LDB2: variants seen among roughly 807,000 people sequenced by gnomAD.
LDB2 encodes LIM domain-binding protein 2.
LDB2 carries 12 observed loss-of-function variants against 44.3 expected under a neutral mutation model. The observed-to-expected ratio is 0.27, with a 90% CI of 0.17 to 0.44. The LOEUF is 0.44. Among genes scored for constraint, LDB2 ranks in the 20% least tolerant of loss-of-function variants. The pLI is 1.00. For missense variants in LDB2, 344 were observed against 473.5 expected (o/e 0.73, Z 2.54); for synonymous variants, 164 against 174.8 (o/e 0.94, Z 0.49).
chr4:16,699,581 G>A (rs157609), intron 2 of LDB2, among the ~76,000 whole-genome samples: 37,282 of 152,032 alleles, frequency 0.25, 5,275 homozygotes, highest in Non-Finnish European at 0.33. Context: ...GAATATGTGA[G>A]GTGGAGAAGT....
chr4:16,810,189 GA>G (rs1235121315), intron 1 of LDB2, among the ~76,000 whole-genome samples: 1 of 152,052 alleles, frequency 6.6e-6, no homozygotes, highest in Admixed American at 6.6e-5. Context: ...GGGGAGGGAG[GA>G]AGAGTCCAGT....
chr4:16,639,581 C>G lies in LDB2; in HGVS notation c.236-43706G>C, dbSNP rs572444590. On this transcript the variant is annotated intron_variant, in intron 2 of 7. Transcript: ENST00000304523. ...GGTTCAAGCAACTCTATTGCCTCAG[C>G]CTGCCAAGTAGCTGGGATTAAAGGC... 2.7e-4 allele frequency among the ~76,000 whole-genome samples: 41 copies of G among 152,318 alleles called. 1 individual carries two copies. The highest frequency in any genetic ancestry group is 4.4e-4 in the Non-Finnish European group (30 of 68,032).
At chr4:16,806,149 A>C (rs558827731) in intron 1 of LDB2, among the ~76,000 whole-genome samples, 1 of 152,244 alleles carries the variant, frequency 6.6e-6, no homozygotes, top group Non-Finnish European at 1.5e-5. Context: ...AACATCTTCC[A>C]GGTACCAACT....
intron 5 of LDB2, among the ~76,000 whole-genome samples, chr4:16,543,935 G>GT (rs879862224): frequency 1.2e-4 from 18 of 152,018 alleles, no homozygotes; most frequent in Non-Finnish European, 2.4e-4. Context: ...TCAAATAATT[G>GT]TTTTTTTCTC....
At chr4:16,552,188 G>A (rs1443094596) in intron 5 of LDB2, among the ~76,000 whole-genome samples, 1 of 152,040 alleles carries the variant, frequency 6.6e-6, no homozygotes, top group Non-Finnish European at 1.5e-5. Context: ...TGTTGTTTGT[G>A]CCTGATACAT....
At chr4:16,668,140 C>G (rs775204231) in intron 2 of LDB2, among the ~76,000 whole-genome samples, 1 of 135,416 alleles carries the variant, frequency 7.4e-6, no homozygotes, top group Non-Finnish European at 1.6e-5. Context: ...AATTTTTAAT[C>G]AGATATACGA....
chr4:16,890,313 A>G (rs1427600351), intron 1 of LDB2, among the ~76,000 whole-genome samples: 1 of 152,024 alleles, frequency 6.6e-6, no homozygotes, highest in Non-Finnish European at 1.5e-5. Context: ...TAAAAATATC[A>G]CCTTGGCTGT....
At chr4:16,750,771 T>C (rs1765339042) in intron 2 of LDB2, 2 of 152,314 alleles carry the variant, frequency 1.3e-5, no homozygotes, top group South Asian at 4.1e-4. Flanking sequence ...TCTCAAGTAT[T>C]GCATTTGTAT....
At chr4:16,894,020 C>T (rs966992432) in intron 1 of LDB2, among the ~76,000 whole-genome samples, 4 of 152,038 alleles carry the variant, frequency 2.6e-5, no homozygotes, top group Admixed American at 6.6e-5. Context: ...TAATGTTTCT[C>T]ATATATTTTA....
intron 2 of LDB2, among the ~76,000 whole-genome samples, chr4:16,739,702 A>ATATATGTATATATACATATG (rs1762788367): frequency 2.4e-5 from 2 of 84,828 alleles, no homozygotes; most frequent in African/African-American, 4.8e-5. Flanking sequence ...ATATACATAT[A>ATATATGTATATATACATATG]TGTGTATATA....
intron 2 of LDB2, among the ~76,000 whole-genome samples, chr4:16,636,571 A>C (rs1733663904): frequency 6.6e-6 from 1 of 152,178 alleles, no homozygotes; most frequent in Non-Finnish European, 1.5e-5. Context: ...AGGCTGTATG[A>C]CAACTTATAT....
chr4:16,669,067 C>T (rs1419866258), intron 2 of LDB2, among the ~76,000 whole-genome samples: 4 of 152,198 alleles, frequency 2.6e-5, no homozygotes, highest in African/African-American at 9.7e-5. Context: ...CAGAGGAAAA[C>T]TAAGAGCAGG....
chr4:16,607,311 A>C (rs1484618015), intron 2 of LDB2, among the ~76,000 whole-genome samples: 1 of 152,098 alleles, frequency 6.6e-6, no homozygotes, highest in Non-Finnish European at 1.5e-5. Flanking sequence ...GCCTTGCTTC[A>C]TCTCTTCTGT....
chr4:16,865,441 C>T (rs1330641193), intron 1 of LDB2, among the ~76,000 whole-genome samples: 4 of 152,088 alleles, frequency 2.6e-5, no homozygotes, highest in African/African-American at 7.2e-5. Context: ...CACAGGGGCT[C>T]GGGCTGCGCT....
At chr4:16,578,456 C>A (rs1560527942) in intron 5 of LDB2, among the ~76,000 whole-genome samples, 1 of 152,146 alleles carries the variant, frequency 6.6e-6, no homozygotes, top group East Asian at 1.9e-4. Context: ...TGAAAAGGTG[C>A]TCAACATCAC....
chr4:16,752,357 T>A (rs1765656083), intron 2 of LDB2: 2 of 439,130 alleles, frequency 4.6e-6, no homozygotes, highest in Non-Finnish European at 9.0e-6. Flanking sequence ...CACCCTCTGT[T>A]GGACAGATGT....
intron 1 of LDB2, among the ~76,000 whole-genome samples, chr4:16,812,454 C>T (rs1014019985): frequency 2.6e-5 from 4 of 151,830 alleles, no homozygotes; most frequent in Non-Finnish European, 4.4e-5. Context: ...CTGATAAGGT[C>T]ATCTGTCCAC....
chr4:16,737,606 G>C (rs937972344), intron 2 of LDB2, among the ~76,000 whole-genome samples: 1 of 152,140 alleles, frequency 6.6e-6, no homozygotes, highest in African/African-American at 2.4e-5. Flanking sequence ...GAACATTTCA[G>C]AGGCATTAAA....
chr4:16,686,715 C>T (rs1260694944), intron 2 of LDB2, among the ~76,000 whole-genome samples: 1 of 152,146 alleles, frequency 6.6e-6, no homozygotes, highest in Non-Finnish European at 1.5e-5. Context: ...CAGGTGAATT[C>T]CACCTGGTTC....
Sources: allele counts gnomAD v4.1 joint callset (sites outside exome capture counted in the v4.1 genomes callset), GRCh38; gene constraint gnomAD v4.1.1; transcripts MANE v1.5; gene names NCBI Gene and HGNC (gene_info 2026-07-23, HGNC 2026-07-21).